Variants in DPP6 observed in about 807,000 individuals in gnomAD.
DPP6 encodes the protein A-type potassium channel modulatory protein DPP6.
Under a neutral mutation model 122.6 loss-of-function variants are expected in DPP6, and 69 were observed. That is an observed-to-expected ratio of 0.56 (90% confidence interval 0.46 to 0.69). DPP6 has a LOEUF of 0.69. Ranked by LOEUF, DPP6 falls within the 30% of genes least tolerant of loss-of-function variation. The pLI is 0.00. For synonymous variants in DPP6, 418 were observed against 433.1 expected, an observed-to-expected ratio of 0.97 and a Z score of 0.43; for missense variants, 928 against 1,116.9, an observed-to-expected ratio of 0.83 and a Z score of 2.41.
chr7:154,822,368 G>A (rs781209850), intron 16 of DPP6, among the ~76,000 whole-genome samples: 3 of 152,168 alleles, frequency 2.0e-5, no homozygotes, highest in Non-Finnish European at 1.5e-5. Flanking sequence ...TCCTCACATG[G>A]TGGAAGGGGC....
At chr7:154,003,243 G>A (rs1375740020) in intron 1 of DPP6, among the ~76,000 whole-genome samples, 1 of 152,142 alleles carries the variant, frequency 6.6e-6, no homozygotes, top group African/African-American at 2.4e-5. Context: ...GCAGTCTAGT[G>A]GCTACAGGAT....
At chr7:154,229,395 G>A (rs925705361) in intron 1 of DPP6, among the ~76,000 whole-genome samples, 2 of 152,150 alleles carry the variant, frequency 1.3e-5, no homozygotes, top group Admixed American at 6.5e-5. Flanking sequence ...TGAGTGCAAG[G>A]GTTTTGGCAC....
At chr7:153,890,003 ACT>A (rs1483178526) in intron 1 of DPP6, among the ~76,000 whole-genome samples, 4 of 152,106 alleles carry the variant, frequency 2.6e-5, no homozygotes, top group Admixed American at 2.0e-4. Context: ...GCTTTGGAAG[ACT>A]CTTGCTAATC....
chr7:154,736,056 C>T (rs189983278), intron 8 of DPP6, among the ~76,000 whole-genome samples: 10 of 152,364 alleles, frequency 6.6e-5, no homozygotes, highest in Admixed American at 1.3e-4. Context: ...ACCAGCACAT[C>T]CTAACCAGCA....
rs184593207 is a variant in DPP6, at chr7:154,502,602, G to A, written c.457+27565G>A. On this transcript the variant is annotated intron_variant, in intron 3 of 25. Coordinates refer to ENST00000377770, the MANE Select transcript of DPP6 (RefSeq NM_130797.4). ...CTTTCACCTTCTGCTGTGACTGTGA[G>A]GCCTCCCCAGCCACATGGAACTGTA... is the stretch of plus-strand genomic sequence containing the variant. 2.8e-4 allele frequency among the ~76,000 whole-genome samples: 43 copies of A among 152,224 alleles called. No homozygotes were observed. In the East Asian group the frequency reaches 6.0e-3, roughly 21 times the overall value.
At chr7:154,533,257 T>A (rs1327459242) in intron 3 of DPP6, among the ~76,000 whole-genome samples, 1 of 152,202 alleles carries the variant, frequency 6.6e-6, no homozygotes, top group Non-Finnish European at 1.5e-5. Context: ...TTGTTGTAGG[T>A]GCCTCAGCCA....
chr7:153,814,777 A>G, the DPP6 span, among the ~76,000 whole-genome samples: 2 of 152,148 alleles, frequency 1.3e-5, no homozygotes, highest in Admixed American at 6.6e-5. Flanking sequence ...AGTCGGCTTC[A>G]TCCCTGGGAT....
chr7:154,556,383 G>A (rs908447381), intron 4 of DPP6, among the ~76,000 whole-genome samples: 1 of 152,158 alleles, frequency 6.6e-6, no homozygotes, highest in Admixed American at 6.5e-5. Flanking sequence ...AGAGAGTGCT[G>A]AAAAACTGGA....
At chr7:154,304,949 G>A (rs1806159747) in intron 1 of DPP6, among the ~76,000 whole-genome samples, 1 of 152,116 alleles carries the variant, frequency 6.6e-6, no homozygotes, top group Admixed American at 6.5e-5. Context: ...GGGCCCTGAT[G>A]GATGCGGTGA....
At chr7:153,908,372 C>G (rs914246568) in intron 1 of DPP6, among the ~76,000 whole-genome samples, 1 of 152,048 alleles carries the variant, frequency 6.6e-6, no homozygotes, top group African/African-American at 2.4e-5. Context: ...CAGACCACAG[C>G]TGGATAGGAA....
At chr7:154,395,486 TC>T (rs1431281860) in intron 1 of DPP6, among the ~76,000 whole-genome samples, 12 of 152,218 alleles carry the variant, frequency 7.9e-5, no homozygotes, top group African/African-American at 2.2e-4. Flanking sequence ...CTAAGTTAAT[TC>T]CTAAGTATTT....
At chr7:154,446,147 G>A (rs1224822658) in intron 1 of DPP6, 67 bp from the exon 2 acceptor site, 7 of 966,704 alleles carry the variant, frequency 7.2e-6, no homozygotes, top group Non-Finnish European at 1.6e-6. Flanking sequence ...AATGAAATAT[G>A]TCTATTTGGC....
intron 1 of DPP6, among the ~76,000 whole-genome samples, chr7:154,240,312 G>T (rs1801505964): frequency 6.6e-6 from 1 of 152,098 alleles, no homozygotes; most frequent in Non-Finnish European, 1.5e-5. Flanking sequence ...GGAGAATGCT[G>T]CATGCATCAA....
intron 8 of DPP6, among the ~76,000 whole-genome samples, chr7:154,750,864 G>A (rs151316514): frequency 2.0e-5 from 3 of 152,306 alleles, no homozygotes; most frequent in Non-Finnish European, 4.4e-5. Flanking sequence ...GTGGGAGGCT[G>A]CAGGTGTAAG....
intron 1 of DPP6, among the ~76,000 whole-genome samples, chr7:154,280,570 G>A (rs1804434605): frequency 6.7e-6 from 1 of 150,256 alleles, no homozygotes; most frequent in Non-Finnish European, 1.5e-5. Flanking sequence ...AATAAATGAT[G>A]GTCACAAATA....
intron 8 of DPP6, among the ~76,000 whole-genome samples, chr7:154,732,838 T>C (rs759520428): frequency 4.6e-5 from 7 of 152,188 alleles, no homozygotes; most frequent in African/African-American, 9.7e-5. Flanking sequence ...TAGATGAGAC[T>C]CTCGAAGCTG....
At chr7:154,060,189 A>G (rs1371161284) in intron 1 of DPP6, among the ~76,000 whole-genome samples, 2 of 139,598 alleles carry the variant, frequency 1.4e-5, no homozygotes, top group African/African-American at 5.6e-5. Flanking sequence ...ACCCCTCACG[A>G]CACGGGGACT....
At chr7:154,570,791 A>G (rs906498518) in intron 5 of DPP6, among the ~76,000 whole-genome samples, 5 of 152,328 alleles carry the variant, frequency 3.3e-5, no homozygotes, top group East Asian at 3.9e-4. Context: ...TGAGAGCTTT[A>G]AAAGTAGCCT....
At chr7:154,693,307 G>A (rs3807247) in intron 7 of DPP6, among the ~76,000 whole-genome samples, 24,090 of 152,082 alleles carry the variant, frequency 0.16, 2,602 homozygotes, top group African/African-American at 0.3. Context: ...TGAGGCTTCC[G>A]TTAAGTCTCC....
Sources: gnomAD v4.1 joint callset for allele counts (sites outside exome capture counted in the v4.1 genomes callset) on GRCh38, gnomAD v4.1.1 for gene constraint, MANE v1.5 for transcripts, NCBI Gene and HGNC (gene_info 2026-07-23, HGNC 2026-07-21) for gene names.